The following LRP2 variants were observed in gnomAD, a reference collection of about 807,000 sequenced individuals.
LRP2 encodes the protein LDL receptor related protein 2.
A neutral mutation model predicts 531.0 loss-of-function variants in LRP2; 172 were observed. The ratio of observed to expected loss-of-function variants is 0.32; its 90% CI spans 0.29 to 0.37. LRP2 has a LOEUF of 0.37. LRP2 is among the 10% of genes least tolerant of loss of function. The pLI is 1.00. For missense variants in LRP2, 5,167 were observed against 5,868.3 expected (o/e 0.88, Z 3.90); for synonymous variants, 1,992 against 2,027.6 (o/e 0.98, Z 0.47).
intron 4 of LRP2, among the ~76,000 whole-genome samples, chr2:169,305,318 G>T (rs1485942115): frequency 1.3e-5 from 2 of 152,172 alleles, no homozygotes; most frequent in Admixed American, 6.5e-5. Flanking sequence ...TCCATGAACA[G>T]TATAGTTTGA....
rs749682439 is a variant in LRP2, at chr2:169,185,734, T to C, written c.9614A>G (p.Asn3205Ser). Residue 3205 changes from asparagine (N) to serine (S), a missense_variant, in exon 50 of 79, where the codon AAC becomes AGC. Asn to Ser is a conservative substitution (Grantham distance 46). Coordinates refer to ENST00000649046, the MANE Select transcript of LRP2 (RefSeq NM_004525.3). ...SNIEPYLIFS[N>S]RYYLRNLTID... Reference sequence around the variant, plus strand: ...AGTTAAATTTCTCAAATAGTAACGGTTGCTAAAAATGAGATAGGGTTCGAT... The same window carrying C: ...AGTTAAATTTCTCAAATAGTAACGGCTGCTAAAAATGAGATAGGGTTCGAT... The C allele has an allele frequency of 5.0e-6, 8 of 1,613,904 alleles. No individual in the cohort carries two copies. Among genetic ancestry groups the C allele is most frequent in the Middle Eastern group, 3.3e-4 (2 of 6,058 alleles).
At chr2:169,229,119 T>C (rs923685910) in intron 31 of LRP2, among the ~76,000 whole-genome samples, 1 of 152,148 alleles carries the variant, frequency 6.6e-6, no homozygotes, top group African/African-American at 2.4e-5. Flanking sequence ...ACCAAGTATA[T>C]GAGCCCTTAC....
Position 169,362,247 on chromosome 2 carries a change from G to A in LRP2, c.79+74C>T, listed in dbSNP as rs928453931. On this transcript the variant is annotated intron_variant, in intron 1 of 78. Transcript: ENST00000649046. ...CCCCTGCCCGGACGCTCTCCCCTCC[G>A]GCCTCCCGCGGACCCGACCCTGCCA... is the stretch of plus-strand genomic sequence containing the variant. 2.5e-5 allele frequency: 33 copies of A among 1,331,862 alleles called. No individual in the cohort carries two copies. In the African/African-American group the frequency reaches 4.1e-4, roughly 17 times the overall value. 82.5% of individuals were successfully genotyped at this position (1,331,862 alleles called of 1,614,324 possible).
chr2:169,144,162 G>A (rs1685824053), intron 70 of LRP2, among the ~76,000 whole-genome samples: 1 of 152,304 alleles, frequency 6.6e-6, no homozygotes, highest in East Asian at 1.9e-4. Flanking sequence ...TGGAGCAGCG[G>A]TTCTCAAAAT....
intron 1 of LRP2, among the ~76,000 whole-genome samples, chr2:169,324,914 G>A (rs1001880169): frequency 1.3e-5 from 2 of 152,098 alleles, no homozygotes; most frequent in Non-Finnish European, 1.5e-5. Context: ...AACTCAGCCT[G>A]CTGAGACCAT....
At chr2:169,327,075 G>A (rs1414333129) in intron 1 of LRP2, among the ~76,000 whole-genome samples, 5 of 151,250 alleles carry the variant, frequency 3.3e-5, no homozygotes, top group Admixed American at 1.3e-4. Flanking sequence ...GCCCAGTCCG[G>A]GAGGGAGGTG....
chr2:169,235,978 C>A lies in LRP2; in HGVS notation c.4782G>T (p.Gln1594His), dbSNP rs1689589851. 8.1e-6 allele frequency: 13 copies of A among 1,614,206 alleles called. No homozygotes were observed. The highest frequency in any genetic ancestry group is 1.0e-5 in the Non-Finnish European group (12 of 1,180,034). ...AGCCGCAGGGCCAGAAGATCTTGTCCTGGACAATGACAGTGCGCATGCTGC... is the reference window on the plus strand; with the variant it reads ...AGCCGCAGGGCCAGAAGATCTTGTCATGGACAATGACAGTGCGCATGCTGC... Reference protein sequence around the residue: ...MDGSMRTVIVQDKIFWPCGLT... With the variant: ...MDGSMRTVIVHDKIFWPCGLT... Residue 1594 changes from glutamine to histidine, a missense_variant, in exon 29 of 79, where the codon CAG becomes CAT. Around this residue, in one of 6 missense-constraint regions of LRP2, gnomAD observed 2,811 missense variants for 3,058.0 expected, o/e 0.92. Transcript: ENST00000649046.
intron 43 of LRP2, 36 bp from the exon 44 acceptor site, chr2:169,201,906 G>T: frequency 1.2e-6 from 2 of 1,612,480 alleles, no homozygotes; most frequent in South Asian, 2.2e-5. Context: ...AAACCCTCTT[G>T]ATTAAAACAT....
At chr2:169,139,666 A>AT in intron 72 of LRP2, 56 bp from the exon 73 acceptor site, 1 of 1,482,218 alleles carries the variant, frequency 6.7e-7, no homozygotes, top group Non-Finnish European at 9.4e-7. Flanking sequence ...CTTCTACTGC[A>AT]TTTTTCTGAG....
At chr2:169,314,274 A>G (rs1684700795) in intron 3 of LRP2, among the ~76,000 whole-genome samples, 1 of 151,976 alleles carries the variant, frequency 6.6e-6, no homozygotes, top group Admixed American at 6.6e-5. Flanking sequence ...ACAGTGGCTC[A>G]CTTCCAAGTA....
At chr2:169,288,508 C>T (rs72878477) in intron 9 of LRP2, among the ~76,000 whole-genome samples, 17,502 of 152,140 alleles carry the variant, frequency 0.12, 1,112 homozygotes, top group Middle Eastern at 0.15. Flanking sequence ...AGCAAAGGCA[C>T]TGGCCCACCA....
chr2:169,280,232 C>A, intron 11 of LRP2, 118 bp downstream of exon 11: 2 of 1,095,070 alleles, frequency 1.8e-6, no homozygotes, highest in East Asian at 5.0e-5. Flanking sequence ...CATAAAATAT[C>A]TCAAGGGCCT....
At chr2:169,240,830 T>C in intron 25 of LRP2, 158 bp downstream of exon 25, 1 of 836,256 alleles carries the variant, frequency 1.2e-6, no homozygotes, top group Non-Finnish European at 2.0e-6. Context: ...GGTGATGTAT[T>C]TGAATTCAAT....
intron 14 of LRP2, among the ~76,000 whole-genome samples, chr2:169,274,757 A>T (rs115217703): frequency 6.6e-6 from 1 of 152,180 alleles, no homozygotes; most frequent in East Asian, 1.9e-4. Flanking sequence ...GAGCTGCTAT[A>T]CCCCCAAGCA....
chr2:169,231,232 T>C (rs1382316018), intron 31 of LRP2, among the ~76,000 whole-genome samples: 1 of 147,056 alleles, frequency 6.8e-6, no homozygotes, highest in Admixed American at 7.0e-5. Flanking sequence ...AAGTGGAGGC[T>C]ACAGTGAGCT....
chr2:169,314,103 T>C (rs989674018), intron 3 of LRP2, among the ~76,000 whole-genome samples: 2 of 152,130 alleles, frequency 1.3e-5, no homozygotes, highest in African/African-American at 4.8e-5. Context: ...AAAAACCTTT[T>C]CAAACGACAA....
At position 169,138,662 on chromosome 2, in the gene LRP2, G is replaced by A. The variant is rs1462115520; in HGVS notation, c.13433C>T (p.Thr4478Ile). ...VKPSENGNGV[T>I]FRSGADLNMD... ...GTTAAGATCTGCCCCTGATCTGAAG[G>A]TCACCCCATTCCCATTTTCAGAGGG... Residue 4478 changes from threonine to isoleucine, a missense_variant, in exon 75 of 79, where the codon ACC (threonine) becomes ATC (isoleucine). Transcript: ENST00000649046. 1.2e-6 allele frequency: 2 copies of A among 1,613,994 alleles called. No individual in the cohort carries two copies. The highest frequency in any genetic ancestry group is 3.3e-5 in the Admixed American group (2 of 60,006).
At chr2:169,219,425 G>A (rs1688908998) in intron 34 of LRP2, among the ~76,000 whole-genome samples, 1 of 152,104 alleles carries the variant, frequency 6.6e-6, no homozygotes, top group Non-Finnish European at 1.5e-5. Flanking sequence ...GAATGAAATA[G>A]CCAATCAAAC....
intron 16 of LRP2, among the ~76,000 whole-genome samples, chr2:169,259,628 G>A (rs1013793274): frequency 1.3e-5 from 2 of 151,774 alleles, no homozygotes; most frequent in Non-Finnish European, 2.9e-5. Flanking sequence ...GTAACCCTGA[G>A]GTATCATCGC....
Sources: allele counts gnomAD v4.1 joint callset (sites outside exome capture counted in the v4.1 genomes callset), GRCh38; gene constraint gnomAD v4.1.1; regional missense constraint gnomAD v4.1.1; transcripts MANE v1.5; gene names NCBI Gene and HGNC (gene_info 2026-07-23, HGNC 2026-07-21).